TAX1BP1: variants seen among roughly 807,000 people sequenced by gnomAD.
The protein encoded by TAX1BP1 is tax1-binding protein 1.
TAX1BP1 carries 62 observed loss-of-function variants against 97.7 expected under a neutral mutation model. The observed-to-expected ratio is 0.63, with a 90% CI of 0.52 to 0.78. The LOEUF is 0.78. Ranked by LOEUF, TAX1BP1 falls within the 30% of genes least tolerant of loss-of-function variation. TAX1BP1 has a pLI of 0.00. For missense variants in TAX1BP1, 867 were observed against 916.1 expected, an observed-to-expected ratio of 0.95 and a Z score of 0.69; for synonymous variants, 340 against 304.2, an observed-to-expected ratio of 1.12 and a Z score of -1.23.
rs181516136 is a variant in TAX1BP1 at position 27,757,349 on chromosome 7, G to A, written c.163-682G>A. Among the ~76,000 whole-genome samples, 309 of 152,188 alleles carry A rather than the reference G, an allele frequency of 2.0e-3. 2 individuals carry two copies. The highest frequency in any genetic ancestry group is 3.0e-3 in the Non-Finnish European group (204 of 67,936). ...TAGGTGAGACATGGGTGGTCTGTTT[G>A]TGCATATATAAACATCTTGGTGCTA... is the stretch of plus-strand genomic sequence containing the variant. On this transcript the variant is annotated intron_variant, in intron 2 of 16. Transcript: ENST00000396319.
rs373849057 is a variant in TAX1BP1, at chr7:27,816,918, T to C, written c.1965T>C (p.Asp655=). ...GAGCAGATGGTGCTTTTTACCCAGATGAAATACAAAGGCCACCTGTCAGAG... is the reference window on the plus strand; with the variant it reads ...GAGCAGATGGTGCTTTTTACCCAGACGAAATACAAAGGCCACCTGTCAGAG... The part of the protein sequence containing the change: ...RDGADGAFYP[D]EIQRPPVRVP... Residue 655 remains aspartate, a synonymous_variant, in exon 15 of 17, where the codon GAT becomes GAC. Coordinates refer to ENST00000396319, the MANE Select transcript of TAX1BP1 (RefSeq NM_006024.7). 5 of 1,613,918 alleles carry C rather than the reference T, an allele frequency of 3.1e-6. No individual in the cohort carries two copies. In the African/African-American group the frequency reaches 6.7e-5, roughly 22 times the overall value.
At chr7:27,778,418 C>T (rs1049761054) in intron 5 of TAX1BP1, among the ~76,000 whole-genome samples, 5 of 151,960 alleles carry the variant, frequency 3.3e-5, no homozygotes, top group African/African-American at 7.3e-5. Context: ...GTTTAACAAA[C>T]GTGGACTTTT....
intron 1 of TAX1BP1, among the ~76,000 whole-genome samples, chr7:27,743,581 T>A (rs559853332): frequency 2.6e-4 from 40 of 152,214 alleles, no homozygotes; most frequent in Non-Finnish European, 5.4e-4. Context: ...TTCATTTCTT[T>A]ATTTGCTTTG....
At chr7:27,743,303 TG>T (rs1323981352) in intron 1 of TAX1BP1, among the ~76,000 whole-genome samples, 1 of 152,212 alleles carries the variant, frequency 6.6e-6, no homozygotes, top group Non-Finnish European at 1.5e-5. Context: ...TGTTGAGAGT[TG>T]TTAGTCTTTC....
chr7:27,823,340 A>G (rs1284386628), intron 15 of TAX1BP1, among the ~76,000 whole-genome samples: 2 of 152,170 alleles, frequency 1.3e-5, no homozygotes, highest in Non-Finnish European at 2.9e-5. Context: ...AAATATGTAA[A>G]TTTCTTAAAG....
chr7:27,748,735 C>A (rs73078762), intron 2 of TAX1BP1, 49 bp downstream of exon 2: 144,526 of 1,382,698 alleles, frequency 0.1, 7,975 homozygotes, highest in South Asian at 0.12. Context: ...TTAAAATTTT[C>A]TTTTAAAACA....
chr7:27,813,814 G>A (rs1448600158), intron 13 of TAX1BP1, among the ~76,000 whole-genome samples: 1 of 152,066 alleles, frequency 6.6e-6, no homozygotes, highest in Non-Finnish European at 1.5e-5. Flanking sequence ...GTGGCCAATA[G>A]TCACACACAT....
At chr7:27,792,500 G>A (rs1028724523) in intron 9 of TAX1BP1, among the ~76,000 whole-genome samples, 4 of 152,100 alleles carry the variant, frequency 2.6e-5, no homozygotes, top group African/African-American at 9.7e-5. Context: ...GTTTTGTTTG[G>A]AATTTCTTAC....
intron 13 of TAX1BP1, among the ~76,000 whole-genome samples, chr7:27,810,192 C>T (rs1410729064): frequency 6.6e-6 from 1 of 151,980 alleles, no homozygotes; most frequent in East Asian, 1.9e-4. Flanking sequence ...CAGGCGTGAG[C>T]CACCACGCAC....
rs559946436 is a variant in TAX1BP1 at position 27,761,980 on chromosome 7, A to G, written c.265+3847A>G. ...AGAGTTCCTGTTGCTCCACATTTTC[A>G]GCAGCATTTGATGGTGTCATTGCTT... On this transcript the variant is annotated intron_variant, in intron 3 of 16. Transcript: ENST00000396319. 3.3e-5 allele frequency among the ~76,000 whole-genome samples: 5 copies of G among 152,308 alleles called. No homozygotes were observed. In the East Asian group the frequency reaches 9.6e-4, roughly 29 times the overall value.
At chr7:27,741,190 T>G (rs1649114664) in intron 1 of TAX1BP1, among the ~76,000 whole-genome samples, 1 of 152,264 alleles carries the variant, frequency 6.6e-6, no homozygotes, top group African/African-American at 2.4e-5. Flanking sequence ...GCTGTCTGCA[T>G]TCTGCTAATG....
intron 15 of TAX1BP1, among the ~76,000 whole-genome samples, chr7:27,819,033 C>A (rs1176409133): frequency 6.6e-6 from 1 of 152,098 alleles, no homozygotes; most frequent in Admixed American, 6.5e-5. Context: ...CACTTAATGT[C>A]ATATATAATA....
intron 13 of TAX1BP1, among the ~76,000 whole-genome samples, chr7:27,815,617 A>G (rs1330800456): frequency 6.6e-6 from 1 of 152,168 alleles, no homozygotes; most frequent in African/African-American, 2.4e-5. Context: ...TGTTTTTGGT[A>G]TCAGAATAAT....
intron 5 of TAX1BP1, among the ~76,000 whole-genome samples, chr7:27,775,059 A>G (rs1427186610): frequency 2.0e-5 from 3 of 152,178 alleles, no homozygotes; most frequent in South Asian, 2.1e-4. Flanking sequence ...TTACAATTTT[A>G]ATAGAAAATC....
intron 3 of TAX1BP1, among the ~76,000 whole-genome samples, chr7:27,763,470 AG>A (rs1788505856): frequency 6.6e-6 from 1 of 152,150 alleles, no homozygotes; most frequent in Non-Finnish European, 1.5e-5. Context: ...TGTTTTTTAA[AG>A]AATCAGACCT....
At chr7:27,772,155 T>TG (rs1031503563) in intron 5 of TAX1BP1, 12 of 151,564 alleles carry the variant, frequency 7.9e-5, no homozygotes, top group Non-Finnish European at 1.6e-4. Context: ...ACTTTTAGTT[T>TG]TTTTTTTTTT....
At chr7:27,793,821 T>C (rs1789809638) in intron 10 of TAX1BP1, among the ~76,000 whole-genome samples, 1 of 152,210 alleles carries the variant, frequency 6.6e-6, no homozygotes, top group South Asian at 2.1e-4. Context: ...CCTGGAAATG[T>C]AGAAGAAACA....
chr7:27,780,385 T>C (rs1235268557), intron 5 of TAX1BP1, among the ~76,000 whole-genome samples: 1 of 152,238 alleles, frequency 6.6e-6, no homozygotes, highest in Non-Finnish European at 1.5e-5. Context: ...TTTGATAAAC[T>C]ACTTAACTTC....
At chr7:27,742,263 A>G (rs1562691449) in intron 1 of TAX1BP1, among the ~76,000 whole-genome samples, 1 of 152,166 alleles carries the variant, frequency 6.6e-6, no homozygotes, top group Non-Finnish European at 1.5e-5. Flanking sequence ...ATTTCAGACT[A>G]TCACATGGGG....
Sources: gnomAD v4.1 joint callset for allele counts (sites outside exome capture counted in the v4.1 genomes callset) on GRCh38, gnomAD v4.1.1 for gene constraint, MANE v1.5 for transcripts, NCBI Gene and HGNC (gene_info 2026-07-23, HGNC 2026-07-21) for gene names.